Variants in SHANK2 observed in about 807,000 individuals in gnomAD.
SHANK2 encodes the protein SH3 and multiple ankyrin repeat domains 2, also known as SH3 and multiple ankyrin repeat domains protein 2.
Under a neutral mutation model 133.7 loss-of-function variants are expected in SHANK2, and 43 were observed. The ratio of observed to expected loss-of-function variants is 0.32; its 90% CI spans 0.25 to 0.41. The LOEUF is 0.41. Ranked by LOEUF, SHANK2 falls within the 10% of genes least tolerant of loss-of-function variation. The pLI is 1.00. For missense variants in SHANK2, 1,994 were observed against 2,235.8 expected (o/e 0.89, Z 2.18); for synonymous variants, 1,017 against 952.8 (o/e 1.07, Z -1.24).
At chr11:70,497,108 G>A (rs782634951) in intron 21 of SHANK2, 14 of 447,122 alleles carry the variant, frequency 3.1e-5, no homozygotes, top group Non-Finnish European at 5.4e-5. Context: ...TAGAGTTAGT[G>A]TAATTCAAAT....
At chr11:70,860,374 C>G (rs1264362643) in intron 11 of SHANK2, among the ~76,000 whole-genome samples, 1 of 152,218 alleles carries the variant, frequency 6.6e-6, no homozygotes, top group African/African-American at 2.4e-5. Context: ...TCCCATCACC[C>G]ATTAAGGTGA....
intron 14 of SHANK2, among the ~76,000 whole-genome samples, chr11:70,768,240 G>A (rs1168530621): frequency 6.6e-6 from 1 of 152,220 alleles, no homozygotes; most frequent in Non-Finnish European, 1.5e-5. Context: ...TGATGGACAG[G>A]GTAGTTCTGC....
In SHANK2 at chr11:70,486,668, G is replaced by T; in HGVS notation, c.3625C>A (p.Leu1209Met). The T allele has an allele frequency of 6.2e-7, 1 of 1,611,804 alleles. No homozygotes were observed. ...GNYVHPLTGR[L>M]LDPSSPLALA... ...GCCAGCGGGGAGCTGGGATCAAGCA[G>T]CCGCCCTGTGAGTGGGTGGACATAA... The change falls in exon 25 of 26, where the codon CTG (leucine) becomes ATG (methionine). Residue 1209 changes from leucine (L) to methionine (M), a missense_variant. Leu to Met is a conservative substitution (Grantham distance 15). This residue lies in a region of SHANK2 where 797 missense variants were observed against 907.4 expected (regional missense o/e 0.88). Coordinates refer to ENST00000601538, the MANE Select transcript of SHANK2 (RefSeq NM_012309.5). The surrounding 1 kb of genome is among the most constrained non-coding windows in gnomAD (Gnocchi z 8.0).
intron 17 of SHANK2, among the ~76,000 whole-genome samples, chr11:70,617,281 ATGTT>A (rs1591655135): frequency 6.7e-6 from 1 of 149,810 alleles, no homozygotes; most frequent in South Asian, 2.1e-4. Flanking sequence ...ATGATGGTGT[ATGTT>A]TGTCAGTGCC....
At chr11:70,776,795 CATCT>C in intron 14 of SHANK2, among the ~76,000 whole-genome samples, 1 of 151,678 alleles carries the variant, frequency 6.6e-6, no homozygotes, top group East Asian at 1.9e-4. Context: ...TTCACCCATC[CATCT>C]ATCCTCCCAC....
At chr11:70,653,584 A>G (rs1261406575) in intron 17 of SHANK2, among the ~76,000 whole-genome samples, 3 of 151,892 alleles carry the variant, frequency 2.0e-5, no homozygotes, top group African/African-American at 4.8e-5. Flanking sequence ...AAAAAAAAAA[A>G]AAAAAGAAAG....
chr11:70,955,434 TG>T (rs2135914261), intron 10 of SHANK2, among the ~76,000 whole-genome samples: 1 of 151,578 alleles, frequency 6.6e-6, no homozygotes, highest in East Asian at 2.0e-4. Context: ...TGTGTGTGTG[TG>T]TGTGTGTGTG....
intron 17 of SHANK2, among the ~76,000 whole-genome samples, chr11:70,576,355 C>A (rs1181164494): frequency 2.0e-5 from 3 of 152,110 alleles, no homozygotes; most frequent in African/African-American, 7.2e-5. Flanking sequence ...GACTTAGAGT[C>A]AAAAAACCCA....
chr11:70,661,756 G>T (rs781990167), intron 15 of SHANK2, 78 bp from the exon 16 acceptor site: 1 of 1,614,072 alleles, frequency 6.2e-7, no homozygotes, highest in Non-Finnish European at 8.5e-7. Flanking sequence ...CGCCGGGGAC[G>T]TTCATCATCA....
chr11:71,226,409 C>T (rs1334954626), intron 1 of SHANK2, among the ~76,000 whole-genome samples: 2 of 152,144 alleles, frequency 1.3e-5, no homozygotes, highest in Non-Finnish European at 2.9e-5. Flanking sequence ...CTCAAAATGT[C>T]CCAAATTTGC....
At chr11:70,833,596 C>T (rs1008867789) in intron 11 of SHANK2, among the ~76,000 whole-genome samples, 1 of 152,220 alleles carries the variant, frequency 6.6e-6, no homozygotes, top group Non-Finnish European at 1.5e-5. Context: ...GACTCTGGAT[C>T]CCCAAAAACA....
chr11:70,819,884 C>T (rs1475674881), intron 12 of SHANK2, among the ~76,000 whole-genome samples: 1 of 152,182 alleles, frequency 6.6e-6, no homozygotes, highest in African/African-American at 2.4e-5. Context: ...CCAGCATTCT[C>T]CTCTGGGCTG....
At chr11:70,631,853 C>T (rs74749783) in intron 17 of SHANK2, 5,843 of 152,248 alleles carry the variant, frequency 0.038, 172 homozygotes, top group Non-Finnish European at 0.06. Context: ...AATTGGATCA[C>T]GCCCGGCCCG....
At chr11:70,740,608 T>C (rs1946503707) in intron 14 of SHANK2, among the ~76,000 whole-genome samples, 1 of 152,146 alleles carries the variant, frequency 6.6e-6, no homozygotes, top group East Asian at 1.9e-4. Context: ...CCCTGCCCGG[T>C]TGGATAGGCC....
chr11:70,477,454 T>A (rs2058677816), intron 25 of SHANK2: 1 of 152,148 alleles, frequency 6.6e-6, no homozygotes, highest in African/African-American at 2.4e-5. Flanking sequence ...TGGGATAATG[T>A]AACCACTTGT....
At chr11:70,508,756 G>C (rs1279789155) in intron 17 of SHANK2, among the ~76,000 whole-genome samples, 2 of 152,140 alleles carry the variant, frequency 1.3e-5, no homozygotes, top group Non-Finnish European at 2.9e-5. Flanking sequence ...AGGTGTACTG[G>C]TGTGTGCCTG....
chr11:71,080,459 G>A (rs969654647), intron 8 of SHANK2, among the ~76,000 whole-genome samples: 75 of 152,312 alleles, frequency 4.9e-4, no homozygotes, highest in African/African-American at 1.7e-3. Flanking sequence ...TATGGCAAGA[G>A]GAACGGCGCC....
intron 15 of SHANK2, among the ~76,000 whole-genome samples, chr11:70,693,967 G>A (rs533349714): frequency 6.6e-6 from 1 of 152,188 alleles, no homozygotes; most frequent in Non-Finnish European, 1.5e-5. Context: ...ATAAATGGCT[G>A]AGTGAGTGGA....
At chr11:70,517,155 G>A (rs1183288464) in intron 17 of SHANK2, among the ~76,000 whole-genome samples, 4 of 152,180 alleles carry the variant, frequency 2.6e-5, no homozygotes, top group African/African-American at 9.6e-5. Flanking sequence ...AGCAAATCAA[G>A]CCAACAGTGA....
Sources: allele counts gnomAD v4.1 joint callset (sites outside exome capture counted in the v4.1 genomes callset), GRCh38; gene constraint gnomAD v4.1.1; regional missense constraint gnomAD v4.1.1; non-coding constraint Gnocchi (gnomAD v3.1); transcripts MANE v1.5; gene names NCBI Gene and HGNC (gene_info 2026-07-23, HGNC 2026-07-21).